The following PAXBP1 variants were observed in gnomAD, a reference collection of about 807,000 sequenced individuals.
PAXBP1 encodes PAX3 and PAX7 binding protein 1.
PAXBP1 carries 44 observed loss-of-function variants against 119.9 expected under a neutral mutation model. That is an observed-to-expected ratio of 0.37 (90% CI 0.29 to 0.47). The LOEUF is 0.47. Ranked by LOEUF, PAXBP1 falls within the 20% of genes least tolerant of loss-of-function variation. The pLI, the probability that PAXBP1 is intolerant of heterozygous loss-of-function variation, is 0.99. For missense variants in PAXBP1, 898 were observed against 1,134.1 expected (o/e 0.79, Z 2.99); for synonymous variants, 393 against 406.6 (o/e 0.97, Z 0.40).
At position 32,771,248 on chromosome 21, in the gene PAXBP1, C is replaced by T. The variant is rs1277444638; in HGVS notation, c.343+78G>A. 7.5e-6 allele frequency: 10 copies of T among 1,325,598 alleles called. No individual in the cohort carries two copies. The East Asian group carries it at 2.7e-4, about 36-fold the overall frequency. 82.1% of individuals were successfully genotyped at this position (1,325,598 alleles called of 1,614,324 possible). A position where few individuals can be genotyped will look rare whatever the true frequency, so the allele number is the denominator to read the frequency against. ...TTCCAGGGCTCCGGGGCTGGGCGTC[C>T]AGAGAATACGGGGGCGGGGGACGGG... On this transcript the variant is annotated intron_variant, in intron 1 of 17. Transcript: ENST00000331923.
intron 1 of PAXBP1, among the ~76,000 whole-genome samples, 192 bp downstream of exon 1, chr21:32,771,134 T>TG (rs1190705322): frequency 6.6e-6 from 1 of 152,164 alleles, no homozygotes; most frequent in Admixed American, 6.5e-5. Context: ...AAGAAAAGGC[T>TG]GGGGGCAGCG....
chr21:32,737,383 C>A lies in PAXBP1; in HGVS notation c.2507G>T (p.Trp836Leu). 1 of 1,604,208 alleles carries A rather than the reference C, an allele frequency of 6.2e-7. No homozygotes were observed. Among genetic ancestry groups the A allele is most frequent in the African/African-American group, 1.3e-5 (1 of 74,372 alleles). ...CCTTTCTCCTTTCAGATTCATGAACCATTGTTTGGGGAAACAATTGATTAC... is the reference window on the plus strand; with the variant it reads ...CCTTTCTCCTTTCAGATTCATGAACAATTGTTTGGGGAAACAATTGATTAC... ...QNVINCFPKQ[W>L]FMNLKGERTI... Residue 836 changes from tryptophan to leucine, a missense_variant, in exon 17 of 18, where the codon TGG becomes TTG. Physicochemically the swap from Trp to Leu is moderately conservative, Grantham distance 61 (BLOSUM62 -2). Around this residue, in one of 2 missense-constraint regions of PAXBP1, gnomAD observed 599 missense variants for 852.7 expected, o/e 0.70. Transcript: ENST00000331923.
intron 11 of PAXBP1, among the ~76,000 whole-genome samples, chr21:32,746,532 C>T (rs1424893559): frequency 1.3e-5 from 2 of 152,126 alleles, no homozygotes; most frequent in African/African-American, 4.8e-5. Context: ...TGGAGAAATG[C>T]AAATCTAAAC....
rs763712461 is a variant in PAXBP1 at position 32,748,546 on chromosome 21, A to G, written c.1876T>C (p.Phe626Leu). The G allele has an allele frequency of 6.2e-7, 1 of 1,614,086 alleles. No individual in the cohort carries two copies. Among genetic ancestry groups the G allele is most frequent in the Non-Finnish European group, 8.5e-7 (1 of 1,179,970 alleles). The change falls in exon 11 of 18, where the codon TTC becomes CTC. Residue 626 changes from phenylalanine to leucine, a missense_variant. Phe to Leu is a conservative substitution (Grantham distance 22). Coordinates refer to ENST00000331923, the MANE Select transcript of PAXBP1 (RefSeq NM_016631.4). ...AYIGLCLPKL[F>L]NPLIRLQLLT... is the part of the protein sequence containing the mutation. ...AGCTGAAGTCGTATGAGGGGGTTGA[A>G]TAATTTTGGCAAACAAAGGCCAATG...
At chr21:32,759,411 C>T (rs1343680233) in intron 6 of PAXBP1, 142 bp from the exon 7 acceptor site, 3 of 897,908 alleles carry the variant, frequency 3.3e-6, no homozygotes, top group South Asian at 4.0e-5. Context: ...CTCTGTACTG[C>T]TTTTTTTCTC....
At chr21:32,755,634 T>G in intron 7 of PAXBP1, 1 of 237,272 alleles carries the variant, frequency 4.2e-6, no homozygotes, top group South Asian at 1.4e-4. Flanking sequence ...AGTAAAGAAA[T>G]GTCAACAATT....
At chr21:32,770,721 A>C (rs1418412201) in intron 1 of PAXBP1, among the ~76,000 whole-genome samples, 1 of 152,146 alleles carries the variant, frequency 6.6e-6, no homozygotes, top group African/African-American at 2.4e-5. Context: ...CTATTTTTAC[A>C]CCGTCTCGCT....
chr21:32,762,593 T>C (rs1194214781), intron 3 of PAXBP1, among the ~76,000 whole-genome samples: 2 of 152,118 alleles, frequency 1.3e-5, no homozygotes, highest in Admixed American at 6.5e-5. Context: ...AAAGCAGTTT[T>C]ATTTTAGCTA....
At chr21:32,744,663 G>T in intron 13 of PAXBP1, 129 bp downstream of exon 13, 1 of 933,460 alleles carries the variant, frequency 1.1e-6, no homozygotes, top group Non-Finnish European at 1.5e-6. Context: ...AGGCTTTAAT[G>T]GCCCTGATGG....
chr21:32,742,708 G>A (rs2043805756), intron 15 of PAXBP1: 1 of 225,658 alleles, frequency 4.4e-6, no homozygotes, highest in Non-Finnish European at 8.9e-6. Context: ...CCTTATCTGT[G>A]GTTTCAGTCA....
chr21:32,737,162 C>A, intron 17 of PAXBP1, 92 bp downstream of exon 17: 1 of 1,061,258 alleles, frequency 9.4e-7, no homozygotes, highest in Non-Finnish European at 1.3e-6. Context: ...ACAATTTAAA[C>A]TAAAATATAA....
At chr21:32,743,580 G>C in intron 14 of PAXBP1, 98 bp downstream of exon 14, 1 of 914,876 alleles carries the variant, frequency 1.1e-6, no homozygotes, top group South Asian at 1.5e-5. Context: ...CACTACATGG[G>C]TGAAGTTTGT....
chr21:32,737,557 A>T, intron 16 of PAXBP1, 149 bp from the exon 17 acceptor site: 1 of 614,594 alleles, frequency 1.6e-6, no homozygotes, highest in Non-Finnish European at 2.5e-6. Context: ...ATTCTTTTAA[A>T]TCTGACTTCC....
chr21:32,738,014 G>A (rs2043719168), intron 16 of PAXBP1, among the ~76,000 whole-genome samples, 159 bp downstream of exon 16: 1 of 152,024 alleles, frequency 6.6e-6, no homozygotes, highest in Non-Finnish European at 1.5e-5. Flanking sequence ...AAATGCTGTA[G>A]GGGGTTGGAA....
intron 8 of PAXBP1, among the ~76,000 whole-genome samples, chr21:32,753,533 T>C (rs1159013462): frequency 2.6e-5 from 4 of 152,104 alleles, no homozygotes; most frequent in Non-Finnish European, 4.4e-5. Flanking sequence ...ACTCAAGTGA[T>C]AGCCTCCTCC....
At chr21:32,741,777 G>A (rs1181230803) in intron 15 of PAXBP1, among the ~76,000 whole-genome samples, 1 of 152,228 alleles carries the variant, frequency 6.6e-6, no homozygotes, top group Non-Finnish European at 1.5e-5. Flanking sequence ...AGGGATTCTA[G>A]TTTCTATGGC....
chr21:32,750,545 C>T (rs1335554041), intron 10 of PAXBP1, among the ~76,000 whole-genome samples: 3 of 152,078 alleles, frequency 2.0e-5, no homozygotes, highest in Admixed American at 6.6e-5. Flanking sequence ...CTTATGACTC[C>T]CCAAATCAAG....
chr21:32,762,730 C>T (rs1259983463), intron 3 of PAXBP1, among the ~76,000 whole-genome samples: 1 of 151,464 alleles, frequency 6.6e-6, no homozygotes, highest in Non-Finnish European at 1.5e-5. Flanking sequence ...ACCAGCCTGG[C>T]CAACATGGTG....
At chr21:32,754,623 T>C (rs1206075318) in intron 8 of PAXBP1, among the ~76,000 whole-genome samples, 1 of 152,222 alleles carries the variant, frequency 6.6e-6, no homozygotes, top group Admixed American at 6.5e-5. Flanking sequence ...TATCCATTTG[T>C]ATACAAAATT....
Sources: allele counts gnomAD v4.1 joint callset (sites outside exome capture counted in the v4.1 genomes callset), GRCh38; gene constraint gnomAD v4.1.1; regional missense constraint gnomAD v4.1.1; transcripts MANE v1.5; gene names NCBI Gene and HGNC (gene_info 2026-07-23, HGNC 2026-07-21).